POLR1G: variants seen among roughly 807,000 people sequenced by gnomAD.
The protein encoded by POLR1G is DNA-directed RNA polymerase I subunit RPA34.
POLR1G carries 9 observed loss-of-function variants against 6.3 expected under a neutral mutation model. The observed-to-expected ratio is 1.44, with a 90% CI of 0.87 to 2.51. The LOEUF (loss-of-function observed/expected upper bound fraction) is 2.51. Ranked by LOEUF, POLR1G falls within the 30% of genes most tolerant of loss-of-function variation. The pLI is 0.00. For synonymous variants in POLR1G, 248 were observed against 256.5 expected, an observed-to-expected ratio of 0.97 and a Z score of 0.32; for missense variants, 617 against 632.5, an observed-to-expected ratio of 0.98 and a Z score of 0.26.
In POLR1G at chr19:45,409,475, AAGC is replaced by A. The variant is rs763194578; in HGVS notation, c.1523_1525del (p.Gln508del). 5.6e-6 allele frequency: 9 copies of A among 1,609,290 alleles called. No individual in the cohort carries two copies. Among genetic ancestry groups the A allele is most frequent in the South Asian group, 1.1e-5 (1 of 90,704 alleles). On this transcript the variant is annotated inframe_deletion, in exon 3 of 3. Transcript: ENST00000309424. ...TCCCACAGGCCGGGACAAGAAGCGG[AAGC>A]AGCAGCAGCAGCAGCCTGTGTAGTC...
Position 45,409,824 on chromosome 19 carries a change from C to T in POLR1G, c.*323C>T, listed in dbSNP as rs1337811013. On this transcript the variant is annotated 3_prime_UTR_variant, in exon 3 of 3. Transcript: ENST00000309424. Reference sequence around the variant, plus strand: ...TTTTGGTTCTTTATTTTCCCCTATACCCTCAAGCATTTATCCATTGAGTTA... The same window carrying T: ...TTTTGGTTCTTTATTTTCCCCTATATCCTCAAGCATTTATCCATTGAGTTA... 2 of 712,382 alleles carry T rather than the reference C, an allele frequency of 2.8e-6. No individual in the cohort carries two copies. Among genetic ancestry groups the T allele is most frequent in the African/African-American group, 1.8e-5 (1 of 56,938 alleles). 44.1% of individuals were successfully genotyped at this position (712,382 alleles called of 1,614,324 possible).
At position 45,409,351 on chromosome 19, in the gene POLR1G, G is replaced by A; in HGVS notation, c.1383G>A (p.Lys461=). The A allele has an allele frequency of 6.2e-7, 1 of 1,614,108 alleles. No individual in the cohort carries two copies. The highest frequency in any genetic ancestry group is 8.5e-7 in the Non-Finnish European group (1 of 1,180,012). The change falls in exon 3 of 3, where the codon AAG becomes AAA. Residue 461 remains lysine, a synonymous_variant. Transcript: ENST00000309424. ...CCAGGGCAACTCCGGGATCCACCAAGAAGAGGAAGAAGCAGAGTCAGGAAA... is the reference window on the plus strand; with the variant it reads ...CCAGGGCAACTCCGGGATCCACCAAAAAGAGGAAGAAGCAGAGTCAGGAAA... ...PEARATPGST[K]KRKKQSQESR... is the part of the protein sequence containing the mutation.
chr19:45,408,519 C>T lies in POLR1G; in HGVS notation c.551C>T (p.Ala184Val). 4 of 1,614,000 alleles carry T rather than the reference C, an allele frequency of 2.5e-6. No individual in the cohort carries two copies. Among genetic ancestry groups the T allele is most frequent in the Non-Finnish European group, 3.4e-6 (4 of 1,179,990 alleles). Residue 184 changes from alanine (A) to valine (V), a missense_variant, in exon 3 of 3, where the codon GCC (alanine) becomes GTC (valine). Coordinates refer to ENST00000309424, the MANE Select transcript of POLR1G (RefSeq NM_012099.3). ...AAAAAGGAGATGCAGGTGACAGAGG[C>T]CCCAGTCACTCAGGAGGCAGTGAAT... is the stretch of plus-strand genomic sequence containing the variant. ...KKKKEMQVTEAPVTQEAVNGH... is the reference protein window; with the variant it reads ...KKKKEMQVTEVPVTQEAVNGH...
At chr19:45,407,890 C>T in intron 2 of POLR1G, 1 of 399,422 alleles carries the variant, frequency 2.5e-6, no homozygotes, top group South Asian at 5.9e-5. Context: ...ATTGTCTCTA[C>T]TAAAAATACA....
In POLR1G at chr19:45,407,130, C is replaced by T; in HGVS notation, c.59C>T (p.Ala20Val). The T allele has an allele frequency of 1.9e-6, 3 of 1,606,562 alleles. No homozygotes were observed. The highest frequency in any genetic ancestry group is 2.2e-5 in the South Asian group (2 of 89,942). ...TTCTCTTGTCCCCCCAACTTTACCG[C>T]GAAGCCCCCAGCCTCAGAGTCCCCT... ...ARFSCPPNFT[A>V]KPPASESPRF... The change falls in exon 2 of 3, where the codon GCG becomes GTG. Residue 20 changes from alanine (A) to valine (V), a missense_variant. Transcript: ENST00000309424.
rs1432235724 is a variant in POLR1G at position 45,407,113 on chromosome 19, T to G, written c.42T>G (p.Cys14Trp). 5 of 1,599,086 alleles carry G rather than the reference T, an allele frequency of 3.1e-6. No individual in the cohort carries two copies. In the African/African-American group the frequency reaches 6.8e-5, roughly 22 times the overall value. Residue 14 changes from cysteine to tryptophan, a missense_variant, in exon 2 of 3, where the codon TGT becomes TGG. Physicochemically the swap from Cys to Trp is radical, Grantham distance 215. Coordinates refer to ENST00000309424, the MANE Select transcript of POLR1G (RefSeq NM_012099.3). ...CTGCAGATGCTGCTCGGTTCTCTTG[T>G]CCCCCCAACTTTACCGCGAAGCCCC... is the stretch of plus-strand genomic sequence containing the variant. ...PQAGDAARFSCPPNFTAKPPA... is the reference protein window; with the variant it reads ...PQAGDAARFSWPPNFTAKPPA...
In POLR1G at chr19:45,409,354, G is replaced by A; in HGVS notation, c.1386G>A (p.Lys462=). 2 of 1,614,154 alleles carry A rather than the reference G, an allele frequency of 1.2e-6. No homozygotes were observed. The highest frequency in any genetic ancestry group is 1.7e-6 in the Non-Finnish European group (2 of 1,180,020). Residue 462 remains lysine, a synonymous_variant, in exon 3 of 3, where the codon AAG becomes AAA. Transcript: ENST00000309424. ...EARATPGSTK[K]RKKQSQESRM... is the part of the protein sequence containing the mutation. ...GGGCAACTCCGGGATCCACCAAGAA[G>A]AGGAAGAAGCAGAGTCAGGAAAGCC...
rs778804838 is a variant in POLR1G at position 45,407,147 on chromosome 19, G to C, written c.76G>C (p.Glu26Gln). The change falls in exon 2 of 3, where the codon GAG (glutamate) becomes CAG (glutamine). Residue 26 changes from glutamate (E) to glutamine (Q), a missense_variant. Coordinates refer to ENST00000309424, the MANE Select transcript of POLR1G (RefSeq NM_012099.3). Reference protein sequence around the residue: ...PNFTAKPPASESPRFSLEALT... With the variant: ...PNFTAKPPASQSPRFSLEALT... ...CTTTACCGCGAAGCCCCCAGCCTCA[G>C]AGTCCCCTCGTTTCTCCTTGGAGGC... 21 of 1,612,400 alleles carry C rather than the reference G, an allele frequency of 1.3e-5. No individual in the cohort carries two copies. Among genetic ancestry groups the C allele is most frequent in the Admixed American group, 3.4e-5 (2 of 59,442 alleles).
Position 45,409,572 on chromosome 19 carries a change from C to A in POLR1G, c.*71C>A, listed in dbSNP as rs945700906. 81 of 1,573,574 alleles carry A rather than the reference C, an allele frequency of 5.1e-5. No homozygotes were observed. Among genetic ancestry groups the A allele is most frequent in the Non-Finnish European group, 5.8e-5 (67 of 1,159,664 alleles). ...ACCTGGGCCACCAGAAGGTGACACC[C>A]CCAGAATCCCTCCCCAGAGACTGCA... On this transcript the variant is annotated 3_prime_UTR_variant, in exon 3 of 3. Transcript: ENST00000309424.
At position 45,410,563 on chromosome 19, in the gene POLR1G, C is replaced by CGTGTGTGTGTGTGTG. The variant is rs1555785393; in HGVS notation, c.*1062_*1063insGTGTGTGTGTGTGTG. On this transcript the variant is annotated 3_prime_UTR_variant, in exon 3 of 3. Coordinates refer to ENST00000309424, the MANE Select transcript of POLR1G (RefSeq NM_012099.3). ...AAATAGTATGTCTTATTCATTCTTT[C>CGTGTGTGTGTGTGTG]TTTGTGTGTGTGTGTGTGTGTGTGT... 1.0e-4 allele frequency: 7 copies of CGTGTGTGTGTGTGTG among 69,652 alleles called. No individual in the cohort carries two copies. Among genetic ancestry groups the CGTGTGTGTGTGTGTG allele is most frequent in the Middle Eastern group, 5.9e-3 (1 of 170 alleles). 4.3% of individuals were successfully genotyped at this position (69,652 alleles called of 1,614,324 possible).
chr19:45,406,816 C>G lies in POLR1G; in HGVS notation c.22+98C>G. The stretch of plus-strand genomic sequence containing the variant: ...GCGGAAAAGGAGGCGTACCTGCAAG[C>G]AGGACTTGCGAAGAGCGTGCATTCC... On this transcript the variant is annotated intron_variant, in intron 1 of 2. Coordinates refer to ENST00000309424, the MANE Select transcript of POLR1G (RefSeq NM_012099.3). This position sits in a 1 kb window ranked among gnomAD's most constrained non-coding sequence, Gnocchi z 4.2. 3.3e-6 allele frequency: 4 copies of G among 1,225,470 alleles called. No individual in the cohort carries two copies. Among genetic ancestry groups the G allele is most frequent in the Non-Finnish European group, 1.1e-6 (1 of 901,084 alleles). The allele number at this position is 1,225,470 out of a possible 1,614,324, so 75.9% of individuals were successfully genotyped here. A position where few individuals can be genotyped will look rare whatever the true frequency, so the allele number is the denominator to read the frequency against.
rs747817890 is a variant in POLR1G at position 45,409,251 on chromosome 19, AAG to A, written c.1290_1291del (p.Gly431SerfsTer5). 1.2e-6 allele frequency: 2 copies of A among 1,613,442 alleles called. No homozygotes were observed. Among genetic ancestry groups the A allele is most frequent in the Non-Finnish European group, 1.7e-6 (2 of 1,179,654 alleles). On this transcript the variant is annotated frameshift_variant, in exon 3 of 3. Coordinates refer to ENST00000309424, the MANE Select transcript of POLR1G (RefSeq NM_012099.3). LOFTEE classifies it low-confidence loss of function (END_TRUNC). ...TCCACCAAGAAGAAGAAGAAGAAGA[AAG>A]AGAGAGGTCACACAGTGACTGAGCC...
At position 45,406,662 on chromosome 19, in the gene POLR1G, C is replaced by G. The variant is rs186441932; in HGVS notation, c.-35C>G. On this transcript the variant is annotated 5_prime_UTR_variant, in exon 1 of 3. Transcript: ENST00000309424. This position sits in a 1 kb window ranked among gnomAD's most constrained non-coding sequence, Gnocchi z 4.2. ...GGTCTGCAACCTGGTGCGAGCAGCCCGGGCTACAGGGTTGCCTGAGGTGTG... is the reference window on the plus strand; with the variant it reads ...GGTCTGCAACCTGGTGCGAGCAGCCGGGGCTACAGGGTTGCCTGAGGTGTG... 7 of 1,546,536 alleles carry G rather than the reference C, an allele frequency of 4.5e-6. No individual in the cohort carries two copies. Among genetic ancestry groups the G allele is most frequent in the East Asian group, 2.5e-5 (1 of 40,046 alleles).
rs373645122 is a variant in POLR1G, at chr19:45,408,071, AT to A, written c.165-61del. On this transcript the variant is annotated intron_variant, in intron 2 of 2. Transcript: ENST00000309424. ...TCTCTCAAAAAAAAACAAAAAAAAA[AT>A]CAAAAAACCTTCCCTCTCCTGTTCC... The A allele has an allele frequency of 2.4e-4, 357 of 1,486,358 alleles. 1 individual carries two copies. The highest frequency in any genetic ancestry group is 9.9e-4 in the South Asian group (71 of 71,522). 92.1% of individuals were successfully genotyped at this position (1,486,358 alleles called of 1,614,324 possible).
At chr19:45,407,314 A>T in intron 2 of POLR1G, 79 bp downstream of exon 2, 1 of 1,371,536 alleles carries the variant, frequency 7.3e-7, no homozygotes, top group Non-Finnish European at 1.0e-6. Flanking sequence ...ACAGGAAAGA[A>T]TTAGAGGTGA....
intron 2 of POLR1G, 91 bp from the exon 3 acceptor site, chr19:45,408,042 A>C: frequency 2.7e-6 from 4 of 1,464,430 alleles, no homozygotes; most frequent in Non-Finnish European, 2.7e-6. Flanking sequence ...CAACAGAGCA[A>C]GACTCTCTCA....
intron 2 of POLR1G, 71 bp from the exon 3 acceptor site, chr19:45,408,062 A>AAAAAAAAATCAAAAAACCT: frequency 5.3e-6 from 4 of 755,296 alleles, no homozygotes; most frequent in Non-Finnish European, 5.0e-6. Flanking sequence ...AAAAAAAAAC[A>AAAAAAAAATCAAAAAACCT]AAAAAAAAAT....
chr19:45,408,754 C>G lies in POLR1G; in HGVS notation c.786C>G (p.Phe262Leu). The change falls in exon 3 of 3, where the codon TTC becomes TTG. Residue 262 changes from phenylalanine to leucine, a missense_variant. Coordinates refer to ENST00000309424, the MANE Select transcript of POLR1G (RefSeq NM_012099.3). ...AGAAGCCCAAAGGGAAAGAAACCTT[C>G]GAGCCAGAAGACAAGACAGTGAAGC... The part of the protein sequence containing the change: ...KRKKPKGKET[F>L]EPEDKTVKQE... 1 of 1,613,750 alleles carries G rather than the reference C, an allele frequency of 6.2e-7. No homozygotes were observed. The highest frequency in any genetic ancestry group is 8.5e-7 in the Non-Finnish European group (1 of 1,179,950).
In POLR1G at chr19:45,406,744, G is replaced by GTA; in HGVS notation, c.22+26_22+27insTA. ...GTGAGGGTGCGGGTTGACGGGGTGC[G>GTA]GAGGGTGCGTTGGTGGAAGGAGAAA... On this transcript the variant is annotated intron_variant, in intron 1 of 2. Coordinates refer to ENST00000309424, the MANE Select transcript of POLR1G (RefSeq NM_012099.3). This position sits in a 1 kb window ranked among gnomAD's most constrained non-coding sequence, Gnocchi z 4.2. 6.6e-7 allele frequency: 1 copy of GTA among 1,519,466 alleles called. No individual in the cohort carries two copies. The highest frequency in any genetic ancestry group is 8.8e-7 in the Non-Finnish European group (1 of 1,136,520). The allele number at this position is 1,519,466 out of a possible 1,614,324, so 94.1% of individuals were successfully genotyped here. A position where few individuals can be genotyped will look rare whatever the true frequency, so the allele number is the denominator to read the frequency against.
Sources: gnomAD v4.1 joint callset for allele counts on GRCh38, gnomAD v4.1.1 for gene constraint, Gnocchi (gnomAD v3.1) non-coding constraint, MANE v1.5 for transcripts, NCBI Gene and HGNC (gene_info 2026-07-23, HGNC 2026-07-21) for gene names.